AP3S1: variants seen among roughly 807,000 people sequenced by gnomAD.
AP3S1 encodes the protein AP-3 complex subunit sigma-1.
Under a neutral mutation model 21.3 loss-of-function variants are expected in AP3S1, and 12 were observed. The ratio of observed to expected loss-of-function variants is 0.56; its 90% confidence interval spans 0.36 to 0.91. AP3S1 has a LOEUF of 0.91. AP3S1 is among the 40% of genes least tolerant of loss of function. AP3S1 has a pLI of 0.01. For synonymous variants in AP3S1, 48 were observed against 78.4 expected (o/e 0.61, Z 2.05); for missense variants, 116 against 225.0 (o/e 0.52, Z 3.10).
chr5:115,895,323 C>A (rs1333447391), intron 4 of AP3S1, among the ~76,000 whole-genome samples, 165 bp downstream of exon 4: 1 of 151,892 alleles, frequency 6.6e-6, no homozygotes, highest in Non-Finnish European at 1.5e-5. Context: ...GGAGAAGATT[C>A]AGATCCTGCC....
At chr5:115,849,060 C>T (rs1311397147) in intron 1 of AP3S1, among the ~76,000 whole-genome samples, 1 of 152,212 alleles carries the variant, frequency 6.6e-6, no homozygotes, top group African/African-American at 2.4e-5. Flanking sequence ...CTCTCCATTA[C>T]ACTCTTTCTC....
intron 3 of AP3S1, among the ~76,000 whole-genome samples, chr5:115,892,313 T>C (rs1451120834): frequency 1.3e-5 from 2 of 152,160 alleles, no homozygotes; most frequent in Non-Finnish European, 2.9e-5. Flanking sequence ...TGGGTATATA[T>C]TCAAAAGAAA....
At chr5:115,897,674 C>G (rs1750868479) in intron 4 of AP3S1, among the ~76,000 whole-genome samples, 1 of 152,044 alleles carries the variant, frequency 6.6e-6, no homozygotes, top group Admixed American at 6.5e-5. Context: ...ATTCTCCTGC[C>G]TCAGCCTCCC....
In AP3S1 at chr5:115,906,782, C is replaced by T. The variant is rs1751691069; in HGVS notation, c.453+3790C>T. ...TCAGTCCTCTTTTTTTTCCGAACATCCTGATCTTTCTAGCTCTTTCCATTC... is the reference window on the plus strand; with the variant it reads ...TCAGTCCTCTTTTTTTTCCGAACATTCTGATCTTTCTAGCTCTTTCCATTC... On this transcript the variant is annotated intron_variant, in intron 5 of 5. Coordinates refer to ENST00000316788, the MANE Select transcript of AP3S1 (RefSeq NM_001284.4). 11 of 1,430,764 alleles carry T rather than the reference C, an allele frequency of 7.7e-6. No individual in the cohort carries two copies. In the South Asian group the frequency reaches 1.3e-4, roughly 16 times the overall value. 88.6% of individuals were successfully genotyped at this position (1,430,764 alleles called of 1,614,324 possible).
intron 3 of AP3S1, among the ~76,000 whole-genome samples, chr5:115,877,021 T>C (rs1292477013): frequency 2.0e-5 from 3 of 152,218 alleles, no homozygotes; most frequent in Non-Finnish European, 4.4e-5. Flanking sequence ...TATGTAAATA[T>C]ACTTTTTCTA....
At chr5:115,879,828 T>C (rs895518639) in intron 3 of AP3S1, among the ~76,000 whole-genome samples, 1 of 152,176 alleles carries the variant, frequency 6.6e-6, no homozygotes. Context: ...TCAACCTGTC[T>C]GGTCCTGGGC....
At chr5:115,905,687 C>G (rs1043224478) in intron 5 of AP3S1, among the ~76,000 whole-genome samples, 1 of 152,074 alleles carries the variant, frequency 6.6e-6, no homozygotes, top group Admixed American at 6.5e-5. Flanking sequence ...TAGCTTTATT[C>G]CAGCTAGAAT....
chr5:115,844,773 C>A (rs1447177726), intron 1 of AP3S1, among the ~76,000 whole-genome samples: 1 of 152,144 alleles, frequency 6.6e-6, no homozygotes, highest in East Asian at 1.9e-4. Flanking sequence ...TTGCTCAAAG[C>A]CTCCTCCTGG....
At chr5:115,895,908 G>A in intron 4 of AP3S1, among the ~76,000 whole-genome samples, 1 of 152,138 alleles carries the variant, frequency 6.6e-6, no homozygotes. Context: ...GAAAGCTGAA[G>A]GTGAGAGAAA....
chr5:115,867,003 A>G (rs1003924714), intron 2 of AP3S1, among the ~76,000 whole-genome samples: 1 of 152,126 alleles, frequency 6.6e-6, no homozygotes, highest in Non-Finnish European at 1.5e-5. Context: ...AATCGTAAAA[A>G]TTCCAACATT....
At chr5:115,868,292 A>C (rs1003041952) in intron 2 of AP3S1, among the ~76,000 whole-genome samples, 1 of 152,228 alleles carries the variant, frequency 6.6e-6, no homozygotes, top group African/African-American at 2.4e-5. Context: ...AAGTTTTAAG[A>C]TAATCACTAA....
chr5:115,879,593 G>A (rs1330851699), intron 3 of AP3S1, among the ~76,000 whole-genome samples: 6 of 152,076 alleles, frequency 3.9e-5, no homozygotes, highest in South Asian at 2.1e-4. Flanking sequence ...TGCTAGATTC[G>A]GTTTGCCAGG....
At chr5:115,896,972 A>G (rs10056468) in intron 4 of AP3S1, among the ~76,000 whole-genome samples, 26,150 of 152,132 alleles carry the variant, frequency 0.17, 2,441 homozygotes, top group Middle Eastern at 0.2. Context: ...GAAAGAGAAT[A>G]AAAGTTTTTA....
chr5:115,857,778 C>G (rs913271908), intron 1 of AP3S1, among the ~76,000 whole-genome samples: 8 of 152,144 alleles, frequency 5.3e-5, no homozygotes, highest in African/African-American at 1.7e-4. Flanking sequence ...CAACTAATTC[C>G]CAGTCCCCTC....
At chr5:115,902,750 G>T in intron 4 of AP3S1, 135 bp from the exon 5 acceptor site, 1 of 558,456 alleles carries the variant, frequency 1.8e-6, no homozygotes, top group Non-Finnish European at 3.1e-6. Flanking sequence ...AGTGGATTAT[G>T]AGCCCTTACT....
chr5:115,848,899 A>G (rs974548943), intron 1 of AP3S1, among the ~76,000 whole-genome samples: 4 of 152,220 alleles, frequency 2.6e-5, no homozygotes, highest in Admixed American at 1.3e-4. Context: ...TTAGAAGGAT[A>G]TTGAAGTGAA....
At chr5:115,843,295 C>CA (rs1294291784) in intron 1 of AP3S1, among the ~76,000 whole-genome samples, 1 of 152,222 alleles carries the variant, frequency 6.6e-6, no homozygotes, top group Non-Finnish European at 1.5e-5. Context: ...CTTGCCATTA[C>CA]AAAGTAAATG....
intron 3 of AP3S1, among the ~76,000 whole-genome samples, chr5:115,883,096 G>C (rs1171655458): frequency 2.6e-5 from 4 of 152,226 alleles, no homozygotes; most frequent in Non-Finnish European, 5.9e-5. Context: ...TGCTGTGCTG[G>C]CAGCAAATAT....
chr5:115,862,863 A>G (rs1763304031), intron 1 of AP3S1, among the ~76,000 whole-genome samples: 1 of 152,248 alleles, frequency 6.6e-6, no homozygotes, highest in African/African-American at 2.4e-5. Flanking sequence ...AAATATCATG[A>G]CGCTACAAGA....
Sources: gnomAD v4.1 joint callset for allele counts (sites outside exome capture counted in the v4.1 genomes callset) on GRCh38, gnomAD v4.1.1 for gene constraint, MANE v1.5 for transcripts, NCBI Gene and HGNC (gene_info 2026-07-23, HGNC 2026-07-21) for gene names.